The following ATP8B4 variants were observed in gnomAD, a reference collection of about 807,000 sequenced individuals.
ATP8B4 encodes ATPase phospholipid transporting 8B4 (putative), also known as probable phospholipid-transporting ATPase IM.
Under a neutral mutation model 145.6 loss-of-function variants are expected in ATP8B4, and 133 were observed. The ratio of observed to expected loss-of-function variants is 0.91; its 90% CI spans 0.79 to 1.05. The LOEUF (loss-of-function observed/expected upper bound fraction) is 1.05. Among genes scored for constraint, ATP8B4 ranks in the 50% least tolerant of loss-of-function variants. ATP8B4 has a pLI of 0.00. For missense variants in ATP8B4, 1,458 were observed against 1,425.2 expected (o/e 1.02, Z -0.37); for synonymous variants, 507 against 492.9 (o/e 1.03, Z -0.38).
intron 2 of ATP8B4, among the ~76,000 whole-genome samples, chr15:50,096,710 G>A (rs2056011898): frequency 6.6e-6 from 1 of 152,156 alleles, no homozygotes; most frequent in Non-Finnish European, 1.5e-5. Context: ...AAGCAGCAAA[G>A]ATTCAGTCTC....
chr15:50,102,489 C>A (rs1301396422), intron 2 of ATP8B4, among the ~76,000 whole-genome samples: 1 of 151,864 alleles, frequency 6.6e-6, no homozygotes. Flanking sequence ...AACTGGAAAA[C>A]CTAAAGGAGA....
intron 23 of ATP8B4, chr15:49,896,888 T>C (rs1246944256): frequency 1.1e-5 from 2 of 174,810 alleles, no homozygotes; most frequent in Non-Finnish European, 2.5e-5. Flanking sequence ...TCAGTCCAGA[T>C]ACATTTAGTG....
intron 1 of ATP8B4, among the ~76,000 whole-genome samples, chr15:50,124,330 A>T (rs951111762): frequency 6.6e-6 from 1 of 152,028 alleles, no homozygotes; most frequent in Non-Finnish European, 1.5e-5. Context: ...GCCAACATAA[A>T]CGACTGACCC....
intron 23 of ATP8B4, among the ~76,000 whole-genome samples, chr15:49,886,935 G>A (rs932076700): frequency 2.0e-5 from 3 of 151,788 alleles, no homozygotes; most frequent in Non-Finnish European, 4.4e-5. Flanking sequence ...TCAGCCTCCC[G>A]AGTAGCTGGG....
chr15:49,900,997 C>A, intron 21 of ATP8B4, 95 bp downstream of exon 21: 2 of 1,452,100 alleles, frequency 1.4e-6, no homozygotes, highest in South Asian at 1.4e-5. Context: ...TGACATTTGT[C>A]TGGAAAAGAC....
chr15:49,947,747 G>T (rs370036028), intron 14 of ATP8B4, among the ~76,000 whole-genome samples: 1 of 152,144 alleles, frequency 6.6e-6, no homozygotes, highest in African/African-American at 2.4e-5. Context: ...CATCAAAGCA[G>T]TGGGGTACTG....
At chr15:49,937,172 G>A (rs1166803653) in intron 14 of ATP8B4, among the ~76,000 whole-genome samples, 2 of 152,116 alleles carry the variant, frequency 1.3e-5, no homozygotes, top group African/African-American at 4.8e-5. Context: ...ACAGTGACTT[G>A]TTACTGCTCA....
At position 49,991,176 on chromosome 15, in the gene ATP8B4, C is replaced by T. The variant is rs533716531; in HGVS notation, c.590-3627G>A. ...GGTAAGCAAAAAAACTCACAAGATG[C>T]TAACCAAGCTATTTTTTTTAACCAA... On this transcript the variant is annotated intron_variant, in intron 9 of 27. Coordinates refer to ENST00000284509, the MANE Select transcript of ATP8B4 (RefSeq NM_024837.4). Among the ~76,000 whole-genome samples, 16 of 152,226 alleles carry T rather than the reference C, an allele frequency of 1.1e-4. No individual in the cohort carries two copies. The South Asian group carries it at 3.1e-3, about 30-fold the overall frequency.
At chr15:50,088,045 T>C (rs925776594) in intron 2 of ATP8B4, among the ~76,000 whole-genome samples, 1 of 152,144 alleles carries the variant, frequency 6.6e-6, no homozygotes, top group African/African-American at 2.4e-5. Context: ...AATATTTTTA[T>C]TATACCTGAT....
At chr15:50,168,688 C>T (rs1026799567) in intron 1 of ATP8B4, among the ~76,000 whole-genome samples, 2 of 152,168 alleles carry the variant, frequency 1.3e-5, no homozygotes, top group African/African-American at 2.4e-5. Context: ...CTGGCCAGAA[C>T]TCAAGAGGAG....
chr15:49,953,304 CAGG>C (rs2043263704), intron 14 of ATP8B4, among the ~76,000 whole-genome samples: 1 of 152,174 alleles, frequency 6.6e-6, no homozygotes, highest in Non-Finnish European at 1.5e-5. Flanking sequence ...TCAGAACAAC[CAGG>C]AGGAGAGGCT....
At chr15:50,043,720 G>A (rs548339975) in intron 5 of ATP8B4, among the ~76,000 whole-genome samples, 87 of 152,158 alleles carry the variant, frequency 5.7e-4, no homozygotes, top group African/African-American at 2.0e-3. Flanking sequence ...TTGGGAGGCC[G>A]AGGCAGGTGG....
chr15:49,945,773 G>C (rs1041082835), intron 14 of ATP8B4, among the ~76,000 whole-genome samples: 2 of 151,970 alleles, frequency 1.3e-5, no homozygotes, highest in Non-Finnish European at 2.9e-5. Context: ...TGCAGAAAAA[G>C]CATTTGACAA....
chr15:49,900,369 C>T (rs1427103037), intron 21 of ATP8B4, among the ~76,000 whole-genome samples: 2 of 152,154 alleles, frequency 1.3e-5, no homozygotes, highest in Admixed American at 6.5e-5. Context: ...ATTGTCCAAA[C>T]CCTAAAGTGA....
intron 7 of ATP8B4, among the ~76,000 whole-genome samples, chr15:50,004,334 G>T (rs2048145243): frequency 6.6e-6 from 1 of 152,166 alleles, no homozygotes; most frequent in Non-Finnish European, 1.5e-5. Flanking sequence ...ATTCTGAAAA[G>T]GAAAGGGCAG....
intron 8 of ATP8B4, among the ~76,000 whole-genome samples, chr15:49,998,533 G>C (rs1340939135): frequency 6.6e-6 from 1 of 152,172 alleles, no homozygotes; most frequent in East Asian, 1.9e-4. Context: ...CTGCATAAAT[G>C]TCTTCTTTTG....
At chr15:50,072,960 CTCTCTCTCTCTCTCTCTCTCTA>C (rs2053875708) in intron 3 of ATP8B4, among the ~76,000 whole-genome samples, 3 of 33,302 alleles carry the variant, frequency 9.0e-5, no homozygotes, top group Non-Finnish European at 1.6e-4. Flanking sequence ...CTCTCTCTCT[CTCTCTCTCTCTCTCTCTCTCTA>C]TATATATATA....
intron 10 of ATP8B4, among the ~76,000 whole-genome samples, chr15:49,984,392 G>C (rs1013311410): frequency 2.0e-5 from 3 of 152,138 alleles, no homozygotes; most frequent in Non-Finnish European, 4.4e-5. Flanking sequence ...ATTTATAAAA[G>C]AACTCTTTAC....
chr15:50,093,496 A>T (rs1303128212), intron 2 of ATP8B4, among the ~76,000 whole-genome samples: 7 of 152,086 alleles, frequency 4.6e-5, no homozygotes, highest in Admixed American at 4.6e-4. Flanking sequence ...GTAATCACAA[A>T]AAGAAGTTTA....
Sources: allele counts gnomAD v4.1 joint callset (sites outside exome capture counted in the v4.1 genomes callset), GRCh38; gene constraint gnomAD v4.1.1; transcripts MANE v1.5; gene names NCBI Gene and HGNC (gene_info 2026-07-23, HGNC 2026-07-21).